KIAA2012: variants seen among roughly 807,000 people sequenced by gnomAD.
KIAA2012 encodes the protein uncharacterized protein KIAA2012.
A neutral mutation model predicts 150.6 loss-of-function variants in KIAA2012; 125 were observed. The observed-to-expected ratio is 0.83, with a 90% CI of 0.72 to 0.96. The LOEUF (loss-of-function observed/expected upper bound fraction) is 0.96. KIAA2012 is among the 40% of genes least tolerant of loss of function. The pLI is 0.00. For missense variants in KIAA2012, 1,219 were observed against 1,354.9 expected (o/e 0.90, Z 1.57); for synonymous variants, 462 against 504.7 (o/e 0.92, Z 1.13).
chr2:202,119,921 G>A (rs779987670), intron 11 of KIAA2012, among the ~76,000 whole-genome samples: 19 of 152,164 alleles, frequency 1.2e-4, no homozygotes, highest in Non-Finnish European at 1.8e-4. Context: ...GAATTATGGG[G>A]GCAGCTCTTT....
chr2:202,106,581 G>A (rs1690197442), intron 9 of KIAA2012, among the ~76,000 whole-genome samples: 1 of 152,100 alleles, frequency 6.6e-6, no homozygotes, highest in African/African-American at 2.4e-5. Flanking sequence ...CCGCTACTCG[G>A]GTGGCTGAGG....
rs754921417 is a variant in KIAA2012, at chr2:202,196,981, T to C, written c.3369T>C (p.Ala1123=). ...RQKEEEAARL[A]LEEATKQAQE... is the part of the protein sequence containing the mutation. ...AAGAAGAGGAAGCAGCAAGACTGGC[T>C]CTGGAAGAAGCCACGAAACAAGCCC... Residue 1123 remains alanine, a synonymous_variant, in exon 22 of 24, where the codon GCT becomes GCC. Transcript: ENST00000498697. The C allele has an allele frequency of 1.3e-6, 2 of 1,550,450 alleles. No homozygotes were observed. The highest frequency in any genetic ancestry group is 1.4e-5 in the African/African-American group (1 of 73,038).
At chr2:202,074,848 T>C (rs1413571583) in intron 1 of KIAA2012, 43 bp from the exon 2 acceptor site, 4 of 1,503,382 alleles carry the variant, frequency 2.7e-6, no homozygotes, top group Non-Finnish European at 3.5e-6. Flanking sequence ...TATAGAAAGG[T>C]CTTCCACAGT....
rs116751380 is a variant in KIAA2012, at chr2:202,104,094, C to T, written c.1324+980C>T. Among the ~76,000 whole-genome samples, 134 of 152,198 alleles carry T rather than the reference C, an allele frequency of 8.8e-4. 1 individual carries two copies. Among genetic ancestry groups the T allele is most frequent in the African/African-American group, 3.1e-3 (130 of 41,514 alleles). Reference sequence around the variant, plus strand: ...ACTTCTTACTGGAAAGAATGCCTAACGGTGGAGCTTAAAAGACCAATGGAA... The same window carrying T: ...ACTTCTTACTGGAAAGAATGCCTAATGGTGGAGCTTAAAAGACCAATGGAA... On this transcript the variant is annotated intron_variant, in intron 8 of 23. Coordinates refer to ENST00000498697, the MANE Select transcript of KIAA2012 (RefSeq NM_001277372.4). The surrounding 1 kb of genome is among the most constrained non-coding windows in gnomAD (Gnocchi z 4.3).
At chr2:202,102,709 A>G in intron 7 of KIAA2012, among the ~76,000 whole-genome samples, 1 of 152,166 alleles carries the variant, frequency 6.6e-6, no homozygotes, top group Non-Finnish European at 1.5e-5. Flanking sequence ...AGGCTCTTAA[A>G]CTGAGCATGT....
chr2:202,099,557 T>C, intron 5 of KIAA2012, 56 bp from the exon 6 acceptor site: 1 of 1,407,650 alleles, frequency 7.1e-7, no homozygotes, highest in Non-Finnish European at 9.5e-7. Context: ...TAAAGAAACC[T>C]GCTCTGCCCC....
At chr2:202,171,112 TACAC>T (rs10532176) in intron 15 of KIAA2012, among the ~76,000 whole-genome samples, 50,857 of 149,622 alleles carry the variant, frequency 0.34, 8,932 homozygotes, top group East Asian at 0.56. Context: ...AAAGAAATAC[TACAC>T]ACACACACAC....
At chr2:202,099,836 C>T (rs1375734984) in intron 6 of KIAA2012, 40 bp downstream of exon 6, 29 of 1,500,572 alleles carry the variant, frequency 1.9e-5, no homozygotes, top group Non-Finnish European at 2.6e-5. Flanking sequence ...CTGGGTAAAG[C>T]CAGTCATGCA....
chr2:202,198,638 A>G (rs1041482641), intron 22 of KIAA2012, among the ~76,000 whole-genome samples: 2 of 152,226 alleles, frequency 1.3e-5, no homozygotes, highest in East Asian at 1.9e-4. Context: ...TAGGTCCTCT[A>G]TAGTTGCTAC....
intron 13 of KIAA2012, among the ~76,000 whole-genome samples, chr2:202,143,954 G>T (rs1413087664): frequency 1.3e-5 from 2 of 152,158 alleles, no homozygotes; most frequent in Non-Finnish European, 2.9e-5. Flanking sequence ...GAAAAGAGGG[G>T]CGCTTGAGCC....
At chr2:202,162,422 G>A (rs1225039485) in intron 14 of KIAA2012, among the ~76,000 whole-genome samples, 8 of 151,422 alleles carry the variant, frequency 5.3e-5, no homozygotes, top group Admixed American at 1.3e-4. Context: ...CTACAGGCAC[G>A]CACCACCACA....
intron 15 of KIAA2012, among the ~76,000 whole-genome samples, chr2:202,176,490 C>T (rs1280757965): frequency 1.3e-5 from 2 of 152,286 alleles, no homozygotes; most frequent in Admixed American, 6.5e-5. Flanking sequence ...AGCCACTGTG[C>T]CCCGCCAATG....
At chr2:202,124,341 G>T (rs1398430183) in intron 11 of KIAA2012, among the ~76,000 whole-genome samples, 3 of 152,078 alleles carry the variant, frequency 2.0e-5, no homozygotes, top group Non-Finnish European at 4.4e-5. Flanking sequence ...TGACTGACAA[G>T]GGTAGCTAGG....
chr2:202,106,628 A>C (rs1690199324), intron 9 of KIAA2012, among the ~76,000 whole-genome samples: 2 of 152,208 alleles, frequency 1.3e-5, no homozygotes, highest in African/African-American at 4.8e-5. Context: ...CGGAGGTTGC[A>C]GGGAGCTGAG....
intron 11 of KIAA2012, among the ~76,000 whole-genome samples, chr2:202,122,125 C>A (rs1690667847): frequency 6.6e-6 from 1 of 152,168 alleles, no homozygotes; most frequent in Non-Finnish European, 1.5e-5. Flanking sequence ...GAAAGGCAGA[C>A]CAGGGCCAGA....
intron 15 of KIAA2012, among the ~76,000 whole-genome samples, chr2:202,181,046 G>T (rs184124483): frequency 1.4e-4 from 22 of 152,064 alleles, no homozygotes; most frequent in Admixed American, 2.6e-4. Flanking sequence ...CACAGCTCAC[G>T]GCAGCTTCGA....
At chr2:202,188,921 T>TA (rs1454296906) in intron 18 of KIAA2012, among the ~76,000 whole-genome samples, 3 of 152,158 alleles carry the variant, frequency 2.0e-5, no homozygotes, top group Admixed American at 6.5e-5. Context: ...GCCTAAAACT[T>TA]ACACCCATCC....
At chr2:202,162,791 G>A (rs1253680815) in intron 14 of KIAA2012, among the ~76,000 whole-genome samples, 11 of 151,250 alleles carry the variant, frequency 7.3e-5, no homozygotes, top group East Asian at 4.1e-4. Context: ...TTAGCTGGGC[G>A]TGGTGGCGGG....
chr2:202,102,215 G>T (rs1348522356), intron 7 of KIAA2012, among the ~76,000 whole-genome samples: 2 of 151,628 alleles, frequency 1.3e-5, no homozygotes, highest in Admixed American at 1.3e-4. Context: ...CTTTTTGGGG[G>T]ACAGAAAAAA....
Sources: gnomAD v4.1 joint callset for allele counts (sites outside exome capture counted in the v4.1 genomes callset) on GRCh38, gnomAD v4.1.1 for gene constraint, Gnocchi (gnomAD v3.1) non-coding constraint, MANE v1.5 for transcripts, NCBI Gene and HGNC (gene_info 2026-07-23, HGNC 2026-07-21) for gene names.